Variants in FGF13 observed in about 807,000 individuals in gnomAD.
FGF13 encodes the protein fibroblast growth factor 13, also known as fibroblast growth factor homologous factor 2.
FGF13 carries 2 observed loss-of-function variants against 19.5 expected under a neutral mutation model. The ratio of observed to expected loss-of-function variants is 0.10; its 90% CI spans 0.04 to 0.32. The LOEUF (loss-of-function observed/expected upper bound fraction) is 0.32. Among genes scored for constraint, FGF13 ranks in the 10% least tolerant of loss-of-function variants. The pLI is 1.00. For synonymous variants in FGF13, 72 were observed against 76.9 expected, an observed-to-expected ratio of 0.94 and a Z score of 0.33; for missense variants, 113 against 192.7, an observed-to-expected ratio of 0.59 and a Z score of 2.45.
intron 3 of FGF13, among the ~76,000 whole-genome samples, chrX:138,821,371 A>C (rs2090998665): frequency 8.9e-6 from 1 of 111,982 alleles, no homozygotes; most frequent in Non-Finnish European, 1.9e-5. Context: ...AAAAACCTGT[A>C]CGTGGTTCAG....
At chrX:138,905,072 G>T (rs761681472) in intron 1 of FGF13, among the ~76,000 whole-genome samples, 1 of 111,673 alleles carries the variant, frequency 9.0e-6, no homozygotes, top group East Asian at 2.8e-4. Context: ...TCTGGCAGTG[G>T]TCTGTACACT....
At chrX:139,004,373 G>T (rs1056490134) in intron 1 of FGF13, among the ~76,000 whole-genome samples, 1 of 112,627 alleles carries the variant, frequency 8.9e-6, no homozygotes, top group African/African-American at 3.2e-5. Context: ...GCCGGCAAGC[G>T]CCGCACGCAG....
intron 1 of FGF13, among the ~76,000 whole-genome samples, chrX:138,905,695 C>G (rs1410972753): frequency 8.9e-6 from 1 of 112,334 alleles, no homozygotes; most frequent in African/African-American, 3.2e-5. Context: ...CCAGGAAGCC[C>G]TGACATGCTC....
chrX:138,965,713 T>C (rs2091892011), intron 1 of FGF13, among the ~76,000 whole-genome samples: 1 of 111,592 alleles, frequency 9.0e-6, no homozygotes, highest in African/African-American at 3.3e-5. Flanking sequence ...AATGTCAAGA[T>C]GGATACAACA....
At position 138,764,692 on chromosome X, in the gene FGF13, G is replaced by A. The variant is rs1405473901; in HGVS notation, c.218-55764C>T. On this transcript the variant is annotated intron_variant, in intron 3 of 6. Transcript: ENST00000436198. ...TTTCTAACCAGAAAGTTGAGTAGTT[G>A]GAACAGAGGCTGCAAACCCTAAAAT... Among the ~76,000 whole-genome samples the A allele has an allele frequency of 2.7e-5, 3 of 112,255 alleles. No homozygotes were observed. In the Admixed American group the frequency reaches 2.8e-4, roughly 11 times the overall value.
intron 3 of FGF13, among the ~76,000 whole-genome samples, chrX:138,691,569 G>A (rs1375504555): frequency 9.0e-6 from 1 of 111,461 alleles, no homozygotes; most frequent in Non-Finnish European, 1.9e-5. Flanking sequence ...TTCACTCTTC[G>A]TATTATTACA....
chrX:139,020,358 T>A (rs1240924552), intron 1 of FGF13, among the ~76,000 whole-genome samples: 1 of 111,323 alleles, frequency 9.0e-6, no homozygotes, highest in African/African-American at 3.3e-5. Flanking sequence ...GCAACACAGC[T>A]AGAAGCATCT....
chrX:139,018,046 CA>C (rs1447357571), intron 1 of FGF13, among the ~76,000 whole-genome samples: 2 of 111,708 alleles, frequency 1.8e-5, no homozygotes, highest in Non-Finnish European at 3.8e-5. Context: ...CTTATAAAAT[CA>C]AAGTGCAAGT....
At chrX:139,143,123 T>C (rs1200733592) in intron 1 of FGF13, among the ~76,000 whole-genome samples, 1 of 112,212 alleles carries the variant, frequency 8.9e-6, no homozygotes, top group African/African-American at 3.2e-5. Flanking sequence ...GGATAAGCAA[T>C]GCAAGGTACT....
chrX:138,677,398 A>G (rs1392192583), intron 3 of FGF13, among the ~76,000 whole-genome samples: 10 of 109,883 alleles, frequency 9.1e-5, no homozygotes, highest in African/African-American at 3.3e-4. Context: ...GCAACCTACA[A>G]AATGGGAGAA....
At chrX:138,808,641 A>G (rs767680677) in intron 3 of FGF13, among the ~76,000 whole-genome samples, 2 of 111,093 alleles carry the variant, frequency 1.8e-5, no homozygotes, top group East Asian at 5.6e-4. Flanking sequence ...AAAAAAATCA[A>G]TGAATCCAGG....
At chrX:139,100,041 A>ACACAC (rs2083498116) in intron 1 of FGF13, among the ~76,000 whole-genome samples, 1 of 76,412 alleles carries the variant, frequency 1.3e-5, no homozygotes, top group Non-Finnish European at 2.5e-5. Flanking sequence ...GGGGAAAGCA[A>ACACAC]ACACACACAC....
chrX:138,825,621 A>T (rs958444417), intron 3 of FGF13, among the ~76,000 whole-genome samples: 4 of 111,770 alleles, frequency 3.6e-5, no homozygotes, highest in African/African-American at 1.3e-4. Flanking sequence ...TCTGCTACTT[A>T]CAAGCTGTGT....
At chrX:139,122,899 T>G (rs982079237) in intron 1 of FGF13, among the ~76,000 whole-genome samples, 1 of 111,834 alleles carries the variant, frequency 8.9e-6, no homozygotes, top group African/African-American at 3.3e-5. Flanking sequence ...ATTGATATTT[T>G]GAGCCACATA....
At chrX:139,036,239 C>A (rs1404439553) in intron 1 of FGF13, among the ~76,000 whole-genome samples, 2 of 111,206 alleles carry the variant, frequency 1.8e-5, no homozygotes, top group Admixed American at 9.5e-5. Context: ...AAACAAGAGC[C>A]CAGATGCTGT....
chrX:138,984,099 C>T (rs980564563), intron 1 of FGF13, among the ~76,000 whole-genome samples: 38 of 111,413 alleles, frequency 3.4e-4, no homozygotes, highest in Non-Finnish European at 5.8e-4. Flanking sequence ...TTTTGTTTTG[C>T]TTTGTTTTTT....
chrX:139,167,399 G>A (rs2084095529), intron 1 of FGF13, among the ~76,000 whole-genome samples: 1 of 111,926 alleles, frequency 8.9e-6, no homozygotes, highest in Non-Finnish European at 1.9e-5. Context: ...GCAAATACAT[G>A]TATGTAGGTA....
chrX:138,691,925 C>T (rs5976188), intron 3 of FGF13, among the ~76,000 whole-genome samples: 24 of 111,589 alleles, frequency 2.2e-4, no homozygotes, highest in Middle Eastern at 4.7e-3. Flanking sequence ...GGGGCTTGCC[C>T]GTTATTAACC....
chrX:138,651,181 C>T (rs1393130665), intron 3 of FGF13, among the ~76,000 whole-genome samples: 1 of 111,489 alleles, frequency 9.0e-6, no homozygotes, highest in Non-Finnish European at 1.9e-5. Flanking sequence ...TACTTAGTTG[C>T]CAGGGACTTC....
Sources: gnomAD v4.1 joint callset for allele counts (sites outside exome capture counted in the v4.1 genomes callset) on GRCh38, gnomAD v4.1.1 for gene constraint, MANE v1.5 for transcripts, NCBI Gene and HGNC (gene_info 2026-07-23, HGNC 2026-07-21) for gene names.